Variants in ST6GAL1 observed in about 807,000 individuals in gnomAD.
ST6GAL1 encodes the protein ST6 beta-galactoside alpha-2,6-sialyltransferase 1.
In ST6GAL1, 20 loss-of-function variants were observed where a neutral mutation model predicts 38.0. The ratio of observed to expected loss-of-function variants is 0.53; its 90% CI spans 0.37 to 0.77. The LOEUF (loss-of-function observed/expected upper bound fraction) is 0.77. ST6GAL1 is among the 30% of genes least tolerant of loss of function. The pLI is 0.00. For synonymous variants in ST6GAL1, 196 were observed against 188.2 expected (o/e 1.04, Z -0.34); for missense variants, 432 against 496.4 (o/e 0.87, Z 1.23).
chr3:187,006,650 A>G (rs1251336335), intron 2 of ST6GAL1: 1 of 152,232 alleles, frequency 6.6e-6, no homozygotes, highest in East Asian at 1.9e-4. Context: ...CTGAGGTAAA[A>G]AGAAGTAAGT....
intron 4 of ST6GAL1, among the ~76,000 whole-genome samples, chr3:187,049,087 C>A (rs1340945720): frequency 6.6e-6 from 1 of 152,082 alleles, no homozygotes; most frequent in Admixed American, 6.5e-5. Flanking sequence ...GATGGGGTTT[C>A]ACCATGTTGG....
At chr3:186,932,416 CAA>C (rs951398839) in intron 1 of ST6GAL1, among the ~76,000 whole-genome samples, 5 of 152,230 alleles carry the variant, frequency 3.3e-5, no homozygotes, top group African/African-American at 1.2e-4. Flanking sequence ...TAGGGTGAAA[CAA>C]AGAGTAATTC....
At chr3:186,958,531 A>C (rs1714820746) in intron 1 of ST6GAL1, among the ~76,000 whole-genome samples, 1 of 151,924 alleles carries the variant, frequency 6.6e-6, no homozygotes, top group South Asian at 2.1e-4. Context: ...CTCTGGAAAT[A>C]GATACAGGAG....
intron 1 of ST6GAL1, among the ~76,000 whole-genome samples, chr3:186,956,043 G>T (rs966708483): frequency 6.6e-6 from 1 of 151,846 alleles, no homozygotes; most frequent in Non-Finnish European, 1.5e-5. Flanking sequence ...GTAGAACTAG[G>T]ACTCAAACCT....
intron 2 of ST6GAL1, among the ~76,000 whole-genome samples, chr3:187,026,495 A>G (rs1050393168): frequency 6.6e-6 from 1 of 152,234 alleles, no homozygotes; most frequent in Non-Finnish European, 1.5e-5. Context: ...AAAATCTATC[A>G]TTAAATTGTC....
At chr3:187,004,067 C>G (rs1488696094) in intron 2 of ST6GAL1, among the ~76,000 whole-genome samples, 2 of 152,176 alleles carry the variant, frequency 1.3e-5, no homozygotes, top group Non-Finnish European at 2.9e-5. Context: ...GTCCTCACAA[C>G]AGTGAGTTCT....
intron 3 of ST6GAL1, among the ~76,000 whole-genome samples, chr3:187,039,926 C>G (rs1393169784): frequency 6.6e-6 from 1 of 152,198 alleles, no homozygotes; most frequent in African/African-American, 2.4e-5. Flanking sequence ...CTGAGGCTGT[C>G]TGATGGTTGC....
At chr3:186,991,967 C>T (rs1716186366) in intron 2 of ST6GAL1, among the ~76,000 whole-genome samples, 1 of 152,218 alleles carries the variant, frequency 6.6e-6, no homozygotes, top group Non-Finnish European at 1.5e-5. Context: ...TCTCCCTCAT[C>T]TCCAGCTGAC....
intron 1 of ST6GAL1, among the ~76,000 whole-genome samples, chr3:186,944,837 CT>C (rs1714300614): frequency 6.6e-6 from 1 of 152,194 alleles, no homozygotes; most frequent in Non-Finnish European, 1.5e-5. Flanking sequence ...TTGGCCAAGA[CT>C]TAGTCACATA....
chr3:187,043,933 C>T (rs1718212324), intron 4 of ST6GAL1: 1 of 152,260 alleles, frequency 6.6e-6, no homozygotes, highest in African/African-American at 2.4e-5. Flanking sequence ...TAATTCTTAA[C>T]TGGGGGCTAT....
At chr3:187,043,648 T>C (rs1191822566) in intron 4 of ST6GAL1, 1 of 163,372 alleles carries the variant, frequency 6.1e-6, no homozygotes, top group African/African-American at 2.4e-5. Context: ...CCTTGAACAT[T>C]TATTGTTTCT....
chr3:186,949,902 A>T (rs1168774866), intron 1 of ST6GAL1, among the ~76,000 whole-genome samples: 1 of 152,238 alleles, frequency 6.6e-6, no homozygotes, highest in African/African-American at 2.4e-5. Flanking sequence ...AGTTTTGGGC[A>T]CATGGTTGGA....
At chr3:186,941,290 C>T (rs555796566) in intron 1 of ST6GAL1, among the ~76,000 whole-genome samples, 115 of 151,168 alleles carry the variant, frequency 7.6e-4, no homozygotes, top group African/African-American at 2.5e-3. Context: ...TGTTTGATCT[C>T]GGGCTCTGGA....
At chr3:186,976,622 G>T (rs1715530208) in intron 2 of ST6GAL1, among the ~76,000 whole-genome samples, 1 of 152,076 alleles carries the variant, frequency 6.6e-6, no homozygotes, top group Non-Finnish European at 1.5e-5. Context: ...TAGAGACAGG[G>T]TTTCACCATG....
chr3:186,984,002 A>C (rs1231450261), intron 2 of ST6GAL1, among the ~76,000 whole-genome samples: 1 of 152,084 alleles, frequency 6.6e-6, no homozygotes, highest in East Asian at 1.9e-4. Flanking sequence ...TCTCATCTCA[A>C]ACTCAGAATA....
intron 2 of ST6GAL1, among the ~76,000 whole-genome samples, chr3:187,013,626 C>A (rs1328100980): frequency 6.6e-6 from 1 of 152,176 alleles, no homozygotes; most frequent in Non-Finnish European, 1.5e-5. Context: ...CCTCTGTCAC[C>A]CAGGCTGGAG....
At chr3:186,955,444 A>T (rs2108523017) in intron 1 of ST6GAL1, among the ~76,000 whole-genome samples, 1 of 151,740 alleles carries the variant, frequency 6.6e-6, no homozygotes, top group Admixed American at 6.6e-5. Context: ...TTTTCATGAT[A>T]TTGATTCTTC....
At chr3:187,011,553 G>A (rs747753317) in intron 2 of ST6GAL1, among the ~76,000 whole-genome samples, 5 of 152,186 alleles carry the variant, frequency 3.3e-5, no homozygotes, top group Non-Finnish European at 7.3e-5. Context: ...TTGGGAAGCT[G>A]AGGCTCAGGA....
intron 2 of ST6GAL1, among the ~76,000 whole-genome samples, chr3:186,971,217 TAGCTGGGATTAC>T (rs1474686401): frequency 2.0e-5 from 3 of 152,000 alleles, no homozygotes; most frequent in African/African-American, 7.3e-5. Flanking sequence ...GCCTCCTGAG[TAGCTGGGATTAC>T]AGGTGTGCGC....
Sources: allele counts gnomAD v4.1 joint callset (sites outside exome capture counted in the v4.1 genomes callset), GRCh38; gene constraint gnomAD v4.1.1; transcripts MANE v1.5; gene names NCBI Gene and HGNC (gene_info 2026-07-23, HGNC 2026-07-21).